Variants in CHGA observed in about 807,000 individuals in gnomAD.
CHGA encodes the protein chromogranin-A.
CHGA carries 41 observed loss-of-function variants against 54.4 expected under a neutral mutation model. The observed-to-expected ratio is 0.75, with a 90% CI of 0.59 to 0.98. The LOEUF (loss-of-function observed/expected upper bound fraction) is 0.98, where lower values mean the gene tolerates loss of function less well. Among genes scored for constraint, CHGA ranks in the 50% least tolerant of loss-of-function variants. The probability of loss-of-function intolerance (pLI) is 0.00; values close to 1 mark genes in which losing one functional copy is unlikely to be tolerated. For synonymous variants in CHGA, 249 were observed against 232.8 expected (o/e 1.07, Z -0.63); for missense variants, 576 against 582.3 (o/e 0.99, Z 0.11).
At chr14:92,926,846 A>T in intron 3 of CHGA, 148 bp downstream of exon 3, 1 of 701,670 alleles carries the variant, frequency 1.4e-6, no homozygotes, top group South Asian at 1.7e-5. Flanking sequence ...CCAGGGTCCA[A>T]GGTGTACAGA....
At chr14:92,925,324 C>T (rs549177939) in intron 2 of CHGA, among the ~76,000 whole-genome samples, 2 of 152,280 alleles carry the variant, frequency 1.3e-5, no homozygotes, top group Non-Finnish European at 2.9e-5. Context: ...AATGCCCTCT[C>T]GAACAGGTGG....
At chr14:92,926,786 A>T (rs1215954072) in intron 3 of CHGA, 88 bp downstream of exon 3, 36 of 1,094,794 alleles carry the variant, frequency 3.3e-5, no homozygotes, top group Non-Finnish European at 4.7e-5. Flanking sequence ...GGAATTAATG[A>T]TTTAACTCAA....
At chr14:92,931,154 A>C (rs1277213547) in intron 5 of CHGA, 96 bp from the exon 6 acceptor site, 1 of 1,325,378 alleles carries the variant, frequency 7.5e-7, no homozygotes, top group Non-Finnish European at 1.0e-6. Context: ...GCTGGAAGCC[A>C]AGAAACATAA....
Position 92,932,104 on chromosome 14 carries a change from T to C in CHGA, c.809-266T>C. 1 of 465,444 alleles carries C rather than the reference T, an allele frequency of 2.1e-6. No individual in the cohort carries two copies. The highest frequency in any genetic ancestry group is 3.8e-6 in the Non-Finnish European group (1 of 261,360). The allele number at this position is 465,444 out of a possible 1,614,324, so 28.8% of individuals were successfully genotyped here. On this transcript the variant is annotated intron_variant, in intron 6 of 7. Coordinates refer to ENST00000216492, the MANE Select transcript of CHGA (RefSeq NM_001275.4). This position sits in a 1 kb window ranked among gnomAD's most constrained non-coding sequence, Gnocchi z 5.3. ...GTTTAGGAGAGGCCCTGGCTCCCGC[T>C]GCGGGCCTGTCAGGGTCTTTCCTCA...
intron 7 of CHGA, 160 bp downstream of exon 7, chr14:92,933,011 A>C: frequency 8.9e-7 from 1 of 1,128,176 alleles, no homozygotes; most frequent in East Asian, 2.7e-5. Context: ...GGGTGGGAGA[A>C]CACCCCAGCT....
intron 4 of CHGA, 135 bp downstream of exon 4, chr14:92,927,753 G>A (rs1156839551): frequency 1.2e-5 from 9 of 740,214 alleles, no homozygotes; most frequent in East Asian, 5.1e-5. Context: ...AGCAGGATCC[G>A]CCGTGCCACC....
intron 2 of CHGA, among the ~76,000 whole-genome samples, chr14:92,924,482 C>T (rs1037598331): frequency 6.6e-6 from 1 of 152,270 alleles, no homozygotes; most frequent in Non-Finnish European, 1.5e-5. Flanking sequence ...AGGCCTGCAT[C>T]TTACCTGCTG....
chr14:92,925,386 C>T (rs1028004829), intron 2 of CHGA, among the ~76,000 whole-genome samples: 1 of 152,188 alleles, frequency 6.6e-6, no homozygotes, highest in African/African-American at 2.4e-5. Context: ...ATACAGGGTA[C>T]AGGCTGCTGT....
In CHGA at chr14:92,932,716, C is replaced by A. The variant is rs1288141185; in HGVS notation, c.1155C>A (p.Gly385=). The change falls in exon 7 of 8, where the codon GGC becomes GGA. Residue 385 remains glycine, a synonymous_variant. Coordinates refer to ENST00000216492, the MANE Select transcript of CHGA (RefSeq NM_001275.4). The surrounding 1 kb of genome is among the most constrained non-coding windows in gnomAD (Gnocchi z 5.3). ...SFRARAYGFR[G]PGPQLRRGWR... ...GGGCCCGGGCCTACGGCTTCAGGGGCCCTGGGCCGCAGCTGCGACGAGGCT... is the reference window on the plus strand; with the variant it reads ...GGGCCCGGGCCTACGGCTTCAGGGGACCTGGGCCGCAGCTGCGACGAGGCT... 1 of 1,611,054 alleles carries A rather than the reference C, an allele frequency of 6.2e-7. No homozygotes were observed. The highest frequency in any genetic ancestry group is 8.5e-7 in the Non-Finnish European group (1 of 1,179,552).
chr14:92,933,897 G>A (rs765837160), intron 7 of CHGA, among the ~76,000 whole-genome samples: 54 of 152,288 alleles, frequency 3.5e-4, no homozygotes, highest in African/African-American at 6.3e-4. Context: ...CTGGACCCCT[G>A]AGGCATATGG....
In CHGA at chr14:92,931,686, G is replaced by A; in HGVS notation, c.792G>A (p.Glu264=). 6.3e-7 allele frequency: 1 copy of A among 1,577,438 alleles called. No homozygotes were observed. The highest frequency in any genetic ancestry group is 8.6e-7 in the Non-Finnish European group (1 of 1,158,668). ...CCCACCCGAGCCTTGGCTACAAGGA[G>A]ATCCGGAAAGGCGAGAGTACGTATG... ...LNPHPSLGYK[E]IRKGESRSEA... Residue 264 remains glutamate, a synonymous_variant, in exon 6 of 8, where the codon GAG becomes GAA. Transcript: ENST00000216492.
At chr14:92,929,851 G>C in intron 5 of CHGA, 36 bp downstream of exon 5, 1 of 1,580,072 alleles carries the variant, frequency 6.3e-7, no homozygotes, top group Non-Finnish European at 8.7e-7. Flanking sequence ...GGTGGGGAAG[G>C]GAGGGTGGCA....
rs547857389 is a variant in CHGA, at chr14:92,933,034, C to A, written c.1290+183C>A. The A allele has an allele frequency of 1.6e-5, 14 of 883,360 alleles. No individual in the cohort carries two copies. The African/African-American group carries it at 2.3e-4, about 15-fold the overall frequency. 54.7% of individuals were successfully genotyped at this position (883,360 alleles called of 1,614,324 possible). On this transcript the variant is annotated intron_variant, in intron 7 of 7. Coordinates refer to ENST00000216492, the MANE Select transcript of CHGA (RefSeq NM_001275.4). ...GAACACCCCAGCTCACAGGGGGCAC[C>A]CAGCAAAGCTGGCTGGGAGATGGGA...
chr14:92,932,121 CT>C lies in CHGA; in HGVS notation c.809-246del. The C allele has an allele frequency of 2.0e-6, 1 of 498,606 alleles. No individual in the cohort carries two copies. Among genetic ancestry groups the C allele is most frequent in the Non-Finnish European group, 3.5e-6 (1 of 283,000 alleles). 30.9% of individuals were successfully genotyped at this position (498,606 alleles called of 1,614,324 possible). A position where few individuals can be genotyped will look rare whatever the true frequency, so the allele number is the denominator to read the frequency against. ...GCTCCCGCTGCGGGCCTGTCAGGGT[CT>C]TTCCTCACTCTCCAGCTGCCGGGCT... On this transcript the variant is annotated intron_variant, in intron 6 of 7. Coordinates refer to ENST00000216492, the MANE Select transcript of CHGA (RefSeq NM_001275.4). The surrounding 1 kb of genome is among the most constrained non-coding windows in gnomAD (Gnocchi z 5.3).
intron 4 of CHGA, among the ~76,000 whole-genome samples, 186 bp from the exon 5 acceptor site, chr14:92,929,531 C>A (rs1381632357): frequency 6.6e-6 from 1 of 152,224 alleles, no homozygotes; most frequent in Non-Finnish European, 1.5e-5. Flanking sequence ...GAGGGCCCAG[C>A]TGAGAGAGGT....
chr14:92,931,125 G>C (rs1044986432), intron 5 of CHGA, 125 bp from the exon 6 acceptor site: 2 of 925,582 alleles, frequency 2.2e-6, no homozygotes, highest in Non-Finnish European at 3.2e-6. Context: ...AACCCTAATC[G>C]TTGTCCTGGG....
rs1886820677 is a variant in CHGA, at chr14:92,923,344, G to A, written c.-16G>A. 1 of 1,320,230 alleles carries A rather than the reference G, an allele frequency of 7.6e-7. No homozygotes were observed. Among genetic ancestry groups the A allele is most frequent in the Non-Finnish European group, 9.6e-7 (1 of 1,037,842 alleles). The allele number at this position is 1,320,230 out of a possible 1,614,324, so 81.8% of individuals were successfully genotyped here. Reference sequence around the variant, plus strand: ...CCCGGCCCCACACCGCCAGCTGCTCGGCGCCCGGGTCCGCCATGCGCTCCG... The same window carrying A: ...CCCGGCCCCACACCGCCAGCTGCTCAGCGCCCGGGTCCGCCATGCGCTCCG... On this transcript the variant is annotated 5_prime_UTR_variant, in exon 1 of 8. Coordinates refer to ENST00000216492, the MANE Select transcript of CHGA (RefSeq NM_001275.4).
intron 2 of CHGA, chr14:92,926,381 T>C (rs1886886122): frequency 1.8e-6 from 1 of 552,798 alleles, no homozygotes; most frequent in South Asian, 2.5e-5. Context: ...GCCATGTGGT[T>C]GGAGTGGCTG....
At position 92,932,602 on chromosome 14, in the gene CHGA, G is replaced by C. The variant is rs1422413862; in HGVS notation, c.1041G>C (p.Gln347His). Residue 347 changes from glutamine to histidine, a missense_variant, in exon 7 of 8, where the codon CAG becomes CAC. Transcript: ENST00000216492. This position sits in a 1 kb window ranked among gnomAD's most constrained non-coding sequence, Gnocchi z 5.3. Reference sequence around the variant, plus strand: ...CCAAACGCTGGAGCAAGATGGACCAGCTGGCCAAGGAGCTGACGGCTGAGA... The same window carrying C: ...CCAAACGCTGGAGCAAGATGGACCACCTGGCCAAGGAGCTGACGGCTGAGA... ...EDSKRWSKMDQLAKELTAEKR... is the reference protein window; with the variant it reads ...EDSKRWSKMDHLAKELTAEKR... The C allele has an allele frequency of 1.3e-6, 2 of 1,577,194 alleles. No homozygotes were observed. Among genetic ancestry groups the C allele is most frequent in the East Asian group, 2.3e-5 (1 of 43,614 alleles).
Sources: allele counts gnomAD v4.1 joint callset (sites outside exome capture counted in the v4.1 genomes callset), GRCh38; gene constraint gnomAD v4.1.1; non-coding constraint Gnocchi (gnomAD v3.1); transcripts MANE v1.5; gene names NCBI Gene and HGNC (gene_info 2026-07-23, HGNC 2026-07-21).